NRXN1: variants seen among roughly 807,000 people sequenced by gnomAD.
NRXN1 encodes neurexin 1, also known as neurexin-1.
A neutral mutation model predicts 150.9 loss-of-function variants in NRXN1; 39 were observed. The ratio of observed to expected loss-of-function variants is 0.26; its 90% CI spans 0.20 to 0.34. NRXN1 has a LOEUF of 0.34. Among genes scored for constraint, NRXN1 ranks in the 10% least tolerant of loss-of-function variants. The pLI is 1.00. For missense variants in NRXN1, 1,815 were observed against 1,949.9 expected (o/e 0.93, Z 1.30); for synonymous variants, 924 against 757.0 (o/e 1.22, Z -3.62).
At chr2:50,638,164 T>C (rs1017017777) in intron 5 of NRXN1, among the ~76,000 whole-genome samples, 1 of 152,150 alleles carries the variant, frequency 6.6e-6, no homozygotes, top group Non-Finnish European at 1.5e-5. Flanking sequence ...AAAACAGAGA[T>C]GATCATCAGA....
At position 49,920,755 on chromosome 2, in the gene NRXN1, A is replaced by C. The variant is rs907253181; in HGVS notation, c.*1189T>G. On this transcript the variant is annotated 3_prime_UTR_variant, in exon 23 of 23. Transcript: ENST00000401669. ...GTGTGTGTGTGTGTGAAAATAGTGA[A>C]TGTATGTGGGAATGTGAGTATTTCA... The C allele has an allele frequency of 6.9e-6, 1 of 145,188 alleles. No homozygotes were observed. Among genetic ancestry groups the C allele is most frequent in the African/African-American group, 2.6e-5 (1 of 38,850 alleles). The allele number at this position is 145,188 out of a possible 1,614,324, so 9.0% of individuals were successfully genotyped here.
chr2:50,041,853 T>C (rs1057380886), intron 21 of NRXN1, among the ~76,000 whole-genome samples: 3 of 152,172 alleles, frequency 2.0e-5, no homozygotes, highest in African/African-American at 7.2e-5. Flanking sequence ...CCCAAAATGA[T>C]GAGACTCTAG....
intron 18 of NRXN1, among the ~76,000 whole-genome samples, chr2:50,177,586 T>C (rs2060428733): frequency 6.6e-6 from 1 of 151,958 alleles, no homozygotes; most frequent in Non-Finnish European, 1.5e-5. Flanking sequence ...AAATAGTCCT[T>C]AAAAATCATT....
At chr2:50,026,974 C>T (rs971428959) in intron 21 of NRXN1, among the ~76,000 whole-genome samples, 13 of 145,034 alleles carry the variant, frequency 9.0e-5, no homozygotes, top group African/African-American at 3.4e-4. Flanking sequence ...CTCCGGCTCC[C>T]AGGTTCAAGC....
chr2:50,115,240 T>TAC (rs1215349485), intron 18 of NRXN1, among the ~76,000 whole-genome samples: 80 of 133,980 alleles, frequency 6.0e-4, no homozygotes, highest in African/African-American at 1.5e-3. Flanking sequence ...TATATATATA[T>TAC]ACACACACAC....
chr2:50,578,920 C>G (rs1332372873), intron 8 of NRXN1, among the ~76,000 whole-genome samples: 1 of 152,134 alleles, frequency 6.6e-6, no homozygotes, highest in African/African-American at 2.4e-5. Context: ...ACAACTTGCT[C>G]TCAACACTGA....
intron 3 of NRXN1, 42 bp from the exon 4 acceptor site, chr2:50,922,729 G>A (rs1296483048): frequency 1.2e-6 from 2 of 1,600,396 alleles, no homozygotes; most frequent in Non-Finnish European, 8.5e-7. Flanking sequence ...AAACAAGGGA[G>A]CATGGGAAGG....
At chr2:50,152,755 T>A (rs916354418) in intron 18 of NRXN1, among the ~76,000 whole-genome samples, 1 of 151,828 alleles carries the variant, frequency 6.6e-6, no homozygotes, top group Non-Finnish European at 1.5e-5. Flanking sequence ...TTTAAGATCC[T>A]CTCTTTGTCT....
intron 5 of NRXN1, among the ~76,000 whole-genome samples, chr2:50,880,724 A>T (rs1679308332): frequency 6.6e-6 from 1 of 151,990 alleles, no homozygotes; most frequent in South Asian, 2.1e-4. Context: ...AGACATAAAT[A>T]AATGGAGTTT....
At chr2:50,381,505 G>A (rs2080959590) in intron 17 of NRXN1, among the ~76,000 whole-genome samples, 1 of 145,242 alleles carries the variant, frequency 6.9e-6, no homozygotes, top group Admixed American at 7.0e-5. Context: ...GAAGTCTAAA[G>A]GGGACTCAGG....
intron 17 of NRXN1, among the ~76,000 whole-genome samples, chr2:50,340,811 T>C (rs951240573): frequency 3.9e-5 from 6 of 152,138 alleles, no homozygotes; most frequent in African/African-American, 1.4e-4. Flanking sequence ...ATTGTTAACA[T>C]CTCAAAACAT....
At chr2:50,922,413 C>T in intron 4 of NRXN1, 2 of 591,194 alleles carry the variant, frequency 3.4e-6, no homozygotes, top group South Asian at 4.1e-5. Context: ...TTTCTTATGT[C>T]TCATTTATTT....
At chr2:50,550,521 C>A (rs1254470770) in intron 9 of NRXN1, among the ~76,000 whole-genome samples, 2 of 151,428 alleles carry the variant, frequency 1.3e-5, no homozygotes, top group Admixed American at 6.6e-5. Context: ...CATGCCCACG[C>A]CACTTCAAAA....
chr2:50,756,048 C>T (rs17041014), intron 5 of NRXN1, among the ~76,000 whole-genome samples: 30,440 of 151,676 alleles, frequency 0.2, 3,562 homozygotes, highest in African/African-American at 0.32. Flanking sequence ...ATTTGACTTG[C>T]TAATTTCATA....
intron 12 of NRXN1, among the ~76,000 whole-genome samples, chr2:50,519,627 T>A (rs2092729753): frequency 1.3e-5 from 2 of 151,954 alleles, no homozygotes; most frequent in South Asian, 4.1e-4. Context: ...TTCTGGTTGA[T>A]CTTCCTAAGG....
intron 9 of NRXN1, among the ~76,000 whole-genome samples, chr2:50,543,975 A>G (rs1382196806): frequency 6.6e-6 from 1 of 152,162 alleles, no homozygotes; most frequent in Admixed American, 6.5e-5. Flanking sequence ...GCCAAAGGAT[A>G]GATCTGTTAG....
At chr2:50,348,134 T>C (rs533914826) in intron 17 of NRXN1, among the ~76,000 whole-genome samples, 14 of 152,304 alleles carry the variant, frequency 9.2e-5, no homozygotes, top group Non-Finnish European at 2.9e-5. Flanking sequence ...CTACCAGGTG[T>C]TTAAACTCAA....
rs554933424 is a variant in NRXN1, at chr2:50,565,231, A to G, written c.1321-12206T>C. On this transcript the variant is annotated intron_variant, in intron 8 of 22. Coordinates refer to ENST00000401669, the MANE Select transcript of NRXN1 (RefSeq NM_001330078.2). ...GGACCTTCTTGTTTTGGTGGATGAC[A>G]GTATGCATACATTTTTGGATTGCTG... Among the ~76,000 whole-genome samples, 49 of 152,238 alleles carry G rather than the reference A, an allele frequency of 3.2e-4. 1 individual carries two copies. In the South Asian group the frequency reaches 0.01, roughly 32 times the overall value.
chr2:50,640,383 A>G (rs573851578), intron 5 of NRXN1, among the ~76,000 whole-genome samples: 25 of 152,304 alleles, frequency 1.6e-4, no homozygotes, highest in Non-Finnish European at 3.1e-4. Flanking sequence ...TATACTTTAG[A>G]TATGATCTAT....
Sources: allele counts gnomAD v4.1 joint callset (sites outside exome capture counted in the v4.1 genomes callset), GRCh38; gene constraint gnomAD v4.1.1; transcripts MANE v1.5; gene names NCBI Gene and HGNC (gene_info 2026-07-23, HGNC 2026-07-21).